Variants in NWD2 observed in about 807,000 individuals in gnomAD.
The protein encoded by NWD2 is NACHT and WD repeat domain containing 2, also known as NACHT and WD repeat domain-containing protein 2.
Under a neutral mutation model 132.7 loss-of-function variants are expected in NWD2, and 37 were observed. The ratio of observed to expected loss-of-function variants is 0.28; its 90% confidence interval spans 0.21 to 0.37. The LOEUF is 0.37. Among genes scored for constraint, NWD2 ranks in the 10% least tolerant of loss-of-function variants. NWD2 has a pLI of 1.00. For missense variants in NWD2, 1,592 were observed against 2,122.4 expected, an observed-to-expected ratio of 0.75 and a Z score of 4.91; for synonymous variants, 705 against 803.0, an observed-to-expected ratio of 0.88 and a Z score of 2.06.
chr4:37,439,412 T>C lies in NWD2; in HGVS notation c.1296+22T>C. The C allele has an allele frequency of 7.3e-7, 1 of 1,371,712 alleles. No individual in the cohort carries two copies. The allele number at this position is 1,371,712 out of a possible 1,614,324, so 85.0% of individuals were successfully genotyped here. ...GAAGGTAAAAGCCTATTCTTTCCCGTGTATATTTGTAAAAACTTGTACTTT... is the reference window on the plus strand; with the variant it reads ...GAAGGTAAAAGCCTATTCTTTCCCGCGTATATTTGTAAAAACTTGTACTTT... On this transcript the variant is annotated intron_variant, in intron 6 of 6. Transcript: ENST00000309447. This position sits in a 1 kb window ranked among gnomAD's most constrained non-coding sequence, Gnocchi z 4.5.
At chr4:37,293,637 C>T (rs927734990) in intron 1 of NWD2, among the ~76,000 whole-genome samples, 6 of 152,200 alleles carry the variant, frequency 3.9e-5, no homozygotes, top group Admixed American at 2.6e-4. Flanking sequence ...AAAATTGGTT[C>T]GTACATTTTG....
chr4:37,255,202 A>G lies in NWD2; in HGVS notation c.151+9984A>G, dbSNP rs1006818409. On this transcript the variant is annotated intron_variant, in intron 1 of 6. Coordinates refer to ENST00000309447, the MANE Select transcript of NWD2 (RefSeq NM_001144990.2). ...GGACAAACAACTATAAAAACTACAGACACTGCCGTTGTGAAAGGGATGTTT... is the reference window on the plus strand; with the variant it reads ...GGACAAACAACTATAAAAACTACAGGCACTGCCGTTGTGAAAGGGATGTTT... 4.6e-5 allele frequency among the ~76,000 whole-genome samples: 7 copies of G among 152,242 alleles called. No individual in the cohort carries two copies. In the East Asian group the frequency reaches 1.3e-3, roughly 29 times the overall value.
At chr4:37,272,782 C>T (rs1024805083) in intron 1 of NWD2, among the ~76,000 whole-genome samples, 9 of 151,656 alleles carry the variant, frequency 5.9e-5, no homozygotes, top group African/African-American at 2.2e-4. Flanking sequence ...TTGTTTCCTG[C>T]ATTCTACTTG....
intron 3 of NWD2, among the ~76,000 whole-genome samples, chr4:37,412,145 C>A (rs567164630): frequency 1.3e-5 from 2 of 152,076 alleles, no homozygotes; most frequent in Non-Finnish European, 2.9e-5. Flanking sequence ...GGCAATGAGG[C>A]AAGAGAAAGA....
chr4:37,279,564 T>G (rs1718088100), intron 1 of NWD2, among the ~76,000 whole-genome samples: 2 of 152,224 alleles, frequency 1.3e-5, no homozygotes, highest in African/African-American at 4.8e-5. Flanking sequence ...ATATCTGCAT[T>G]ATCTTGAAAA....
At chr4:37,376,023 T>G (rs1341291301) in intron 3 of NWD2, among the ~76,000 whole-genome samples, 1 of 152,226 alleles carries the variant, frequency 6.6e-6, no homozygotes, top group East Asian at 1.9e-4. Flanking sequence ...TGTTATGTAT[T>G]TAAACATTCC....
chr4:37,326,062 G>A lies in NWD2; in HGVS notation c.240+38G>A, dbSNP rs1184691784. 1.5e-5 allele frequency: 19 copies of A among 1,235,800 alleles called. No homozygotes were observed. The East Asian group carries it at 4.7e-4, about 30-fold the overall frequency. 76.6% of individuals were successfully genotyped at this position (1,235,800 alleles called of 1,614,324 possible). On this transcript the variant is annotated intron_variant, in intron 2 of 6. Transcript: ENST00000309447. ...TTAATTTCATTCACAGTTATGTCCA[G>A]TTAAATAACTAGTGTTTGTTTCTTG...
intron 1 of NWD2, among the ~76,000 whole-genome samples, chr4:37,306,433 C>T (rs1718710285): frequency 6.6e-6 from 1 of 152,014 alleles, no homozygotes. Context: ...AATATTTCTA[C>T]TTTTTTGATG....
At chr4:37,330,156 G>C (rs1719262190) in intron 2 of NWD2, among the ~76,000 whole-genome samples, 1 of 151,968 alleles carries the variant, frequency 6.6e-6, no homozygotes, top group Admixed American at 6.6e-5. Flanking sequence ...TTCCTTATTT[G>C]TTTTTCATTT....
intron 1 of NWD2, among the ~76,000 whole-genome samples, chr4:37,251,079 G>C (rs1353128941): frequency 6.6e-6 from 1 of 152,202 alleles, no homozygotes; most frequent in East Asian, 1.9e-4. Flanking sequence ...AGGAATTCGA[G>C]ACCAGCCTGG....
intron 3 of NWD2, among the ~76,000 whole-genome samples, chr4:37,408,253 G>A (rs62304188): frequency 0.053 from 7,976 of 150,258 alleles, 412 homozygotes; most frequent in East Asian, 0.24. Context: ...CCACCCCCAC[G>A]GAGCCCAGCA....
At chr4:37,331,839 C>T (rs936593) in intron 2 of NWD2, among the ~76,000 whole-genome samples, 25,607 of 151,908 alleles carry the variant, frequency 0.17, 2,547 homozygotes, top group East Asian at 0.37. Context: ...CTCCCAGCAG[C>T]AGCCACATGG....
At chr4:37,250,540 A>AG (rs1239352325) in intron 1 of NWD2, among the ~76,000 whole-genome samples, 1 of 152,256 alleles carries the variant, frequency 6.6e-6, no homozygotes, top group African/African-American at 2.4e-5. Flanking sequence ...ATAAGCTAAT[A>AG]GATGTGAGGC....
At chr4:37,270,491 G>A (rs1049530434) in intron 1 of NWD2, among the ~76,000 whole-genome samples, 14 of 151,694 alleles carry the variant, frequency 9.2e-5, no homozygotes, top group African/African-American at 2.9e-4. Flanking sequence ...GATGGCCTAC[G>A]ACAAGCAGCT....
In NWD2 at chr4:37,326,871, G is replaced by C. The variant is rs144635470; in HGVS notation, c.240+847G>C. 3.3e-3 allele frequency among the ~76,000 whole-genome samples: 505 copies of C among 152,218 alleles called. 3 individuals carry two copies. The highest frequency in any genetic ancestry group is 0.011 in the African/African-American group (472 of 41,524). Reference sequence around the variant, plus strand: ...ACATTTCACCCTTTGTTTCCTCCCAGATAAATATTTTATCTTGATATACTC... The same window carrying C: ...ACATTTCACCCTTTGTTTCCTCCCACATAAATATTTTATCTTGATATACTC... On this transcript the variant is annotated intron_variant, in intron 2 of 6. Transcript: ENST00000309447.
At chr4:37,327,750 C>A (rs1223250526) in intron 2 of NWD2, among the ~76,000 whole-genome samples, 1 of 152,032 alleles carries the variant, frequency 6.6e-6, no homozygotes, top group African/African-American at 2.4e-5. Flanking sequence ...ATATCACTCC[C>A]TAAGGATATA....
chr4:37,426,619 G>A (rs900418854), intron 3 of NWD2, among the ~76,000 whole-genome samples: 5 of 152,084 alleles, frequency 3.3e-5, no homozygotes, highest in African/African-American at 4.8e-5. Flanking sequence ...TTCAGTACTC[G>A]TTAACCATTC....
At chr4:37,317,250 C>A (rs754797026) in intron 1 of NWD2, among the ~76,000 whole-genome samples, 6 of 152,174 alleles carry the variant, frequency 3.9e-5, no homozygotes, top group Non-Finnish European at 5.9e-5. Flanking sequence ...TCAAAGTCAG[C>A]CAGGAATGTG....
chr4:37,260,325 G>A (rs1717602834), intron 1 of NWD2, among the ~76,000 whole-genome samples: 1 of 152,138 alleles, frequency 6.6e-6, no homozygotes, highest in South Asian at 2.1e-4. Context: ...TGTAGAATGA[G>A]GTGGTTGACA....
Sources: allele counts gnomAD v4.1 joint callset (sites outside exome capture counted in the v4.1 genomes callset), GRCh38; gene constraint gnomAD v4.1.1; non-coding constraint Gnocchi (gnomAD v3.1); transcripts MANE v1.5; gene names NCBI Gene and HGNC (gene_info 2026-07-23, HGNC 2026-07-21).